The following DNAH11 variants were observed in gnomAD, a reference collection of about 807,000 sequenced individuals.
The protein encoded by DNAH11 is dynein axonemal heavy chain 11.
DNAH11 carries 442 observed loss-of-function variants against 526.0 expected under a neutral mutation model. That is an observed-to-expected ratio of 0.84 (90% CI 0.78 to 0.91). The LOEUF is 0.91. Ranked by LOEUF, DNAH11 falls within the 40% of genes least tolerant of loss-of-function variation. The probability of loss-of-function intolerance (pLI) is 0.00; values close to 1 mark genes in which losing one functional copy is unlikely to be tolerated. For missense variants in DNAH11, 6,989 were observed against 5,448.7 expected (o/e 1.28, Z -8.90); for synonymous variants, 2,461 against 1,935.9 (o/e 1.27, Z -7.12).
At chr7:21,626,986 G>A (rs530314966) in intron 25 of DNAH11, among the ~76,000 whole-genome samples, 8 of 151,936 alleles carry the variant, frequency 5.3e-5, no homozygotes, top group Non-Finnish European at 8.8e-5. Context: ...TCCTGACCTC[G>A]TGATCTGTGT....
At chr7:21,876,877 A>G (rs1467717952) in intron 74 of DNAH11, among the ~76,000 whole-genome samples, 1 of 152,252 alleles carries the variant, frequency 6.6e-6, no homozygotes, top group African/African-American at 2.4e-5. Context: ...ACCTAGCTGC[A>G]AGAGAGGCTG....
chr7:21,774,770 G>A (rs916688830), intron 56 of DNAH11, among the ~76,000 whole-genome samples: 1 of 152,172 alleles, frequency 6.6e-6, no homozygotes, highest in Non-Finnish European at 1.5e-5. Context: ...GGAAAGAAGA[G>A]ATTGGAATGA....
chr7:21,767,564 G>C (rs1047327486), intron 55 of DNAH11, among the ~76,000 whole-genome samples: 2 of 152,168 alleles, frequency 1.3e-5, no homozygotes, highest in Non-Finnish European at 2.9e-5. Flanking sequence ...AGGATGCTGA[G>C]TGCCAAATAG....
At chr7:21,795,829 A>G (rs1241645091) in intron 61 of DNAH11, among the ~76,000 whole-genome samples, 1 of 152,230 alleles carries the variant, frequency 6.6e-6, no homozygotes, top group African/African-American at 2.4e-5. Context: ...GGAGTTGGTC[A>G]GTTCTGCACG....
At chr7:21,782,568 C>G (rs1029794361) in intron 57 of DNAH11, among the ~76,000 whole-genome samples, 7 of 152,130 alleles carry the variant, frequency 4.6e-5, no homozygotes, top group Non-Finnish European at 8.8e-5. Flanking sequence ...GAAAAATACT[C>G]CATTAATAGT....
At chr7:21,724,043 T>C (rs908664352) in intron 44 of DNAH11, among the ~76,000 whole-genome samples, 2 of 152,240 alleles carry the variant, frequency 1.3e-5, no homozygotes, top group African/African-American at 4.8e-5. Context: ...GGTTTTCTTT[T>C]CTACTTTAGA....
At chr7:21,623,587 T>A (rs1277754427) in intron 25 of DNAH11, among the ~76,000 whole-genome samples, 2 of 152,030 alleles carry the variant, frequency 1.3e-5, no homozygotes, top group Admixed American at 1.3e-4. Context: ...AATGATAGAC[T>A]GGATTAAGCA....
intron 57 of DNAH11, among the ~76,000 whole-genome samples, chr7:21,780,135 T>C (rs1787875588): frequency 1.5e-5 from 1 of 66,544 alleles, no homozygotes; most frequent in Admixed American, 1.8e-4. Context: ...AATAAGATTA[T>C]GGCATTAAAA....
chr7:21,787,383 A>G lies in DNAH11; in HGVS notation c.9742-18A>G. 1 of 1,592,384 alleles carries G rather than the reference A, an allele frequency of 6.3e-7. No individual in the cohort carries two copies. The highest frequency in any genetic ancestry group is 8.6e-7 in the Non-Finnish European group (1 of 1,168,474). ...CAGCCAAAATGGGTTCATTGCAATA[A>G]ATCTTTTTGCTTTGCAGGTTGATGA... On this transcript the variant is annotated intron_variant, in intron 59 of 81. Coordinates refer to ENST00000409508, the MANE Select transcript of DNAH11 (RefSeq NM_001277115.2).
intron 42 of DNAH11, among the ~76,000 whole-genome samples, chr7:21,717,325 T>G (rs192536972): frequency 1.3e-5 from 2 of 152,188 alleles, no homozygotes; most frequent in Admixed American, 1.3e-4. Flanking sequence ...AGGAGACACT[T>G]TGAAATAGCC....
rs1783202722 is a variant in DNAH11, at chr7:21,864,664, T to G, written c.11496+7T>G. On this transcript the variant is annotated splice_region_variant and intron_variant, in intron 70 of 81. Coordinates refer to ENST00000409508, the MANE Select transcript of DNAH11 (RefSeq NM_001277115.2). ...GTCATGGAGTGCTATCAAGGTATGT[T>G]AGGAATACAGTTTCTCAAATTCTGG... 6.3e-7 allele frequency: 1 copy of G among 1,576,284 alleles called. No homozygotes were observed. Among genetic ancestry groups the G allele is most frequent in the African/African-American group, 1.4e-5 (1 of 73,524 alleles).
intron 2 of DNAH11, among the ~76,000 whole-genome samples, chr7:21,549,536 C>T (rs1020335993): frequency 6.6e-6 from 1 of 151,970 alleles, no homozygotes. Flanking sequence ...ACAAATTGCC[C>T]TAGGGGGGTT....
chr7:21,652,308 C>T (rs1206862511), intron 28 of DNAH11, among the ~76,000 whole-genome samples: 1 of 152,180 alleles, frequency 6.6e-6, no homozygotes, highest in African/African-American at 2.4e-5. Flanking sequence ...AAACTGACTT[C>T]ACATTGAAGA....
chr7:21,817,093 G>A (rs1198300716), intron 64 of DNAH11, among the ~76,000 whole-genome samples: 8 of 152,206 alleles, frequency 5.3e-5, no homozygotes, highest in East Asian at 1.9e-4. Flanking sequence ...TCTATACTCC[G>A]CCTATAGAAG....
chr7:21,581,898 T>G lies in DNAH11; in HGVS notation c.1594-7T>G. 6.4e-7 allele frequency: 1 copy of G among 1,561,990 alleles called. No individual in the cohort carries two copies. The highest frequency in any genetic ancestry group is 1.4e-5 in the African/African-American group (1 of 73,562). On this transcript the variant is annotated splice_region_variant and splice_polypyrimidine_tract_variant and intron_variant, in intron 8 of 81. Coordinates refer to ENST00000409508, the MANE Select transcript of DNAH11 (RefSeq NM_001277115.2). ...AATATACTAATATTTCACTTTGAAT[T>G]TTACAGGAGTTTGAAAGTGATTATG...
At chr7:21,856,305 C>G (rs1027698946) in intron 68 of DNAH11, among the ~76,000 whole-genome samples, 1 of 152,134 alleles carries the variant, frequency 6.6e-6, no homozygotes, top group Non-Finnish European at 1.5e-5. Context: ...AAGCTGGAAT[C>G]ATTGGCTCCT....
intron 52 of DNAH11, 115 bp from the exon 53 acceptor site, chr7:21,749,563 G>T (rs1332897500): frequency 7.3e-7 from 1 of 1,364,776 alleles, no homozygotes; most frequent in African/African-American, 1.4e-5. Flanking sequence ...CCAGGGAAAG[G>T]CACCCCACAG....
intron 43 of DNAH11, among the ~76,000 whole-genome samples, chr7:21,719,557 A>G (rs1352862159): frequency 6.6e-6 from 1 of 152,224 alleles, no homozygotes; most frequent in African/African-American, 2.4e-5. Flanking sequence ...TCTACTAAAA[A>G]ATAACAAAGC....
chr7:21,686,538 A>G (rs188237474), intron 32 of DNAH11, among the ~76,000 whole-genome samples: 1 of 152,354 alleles, frequency 6.6e-6, no homozygotes, highest in East Asian at 1.9e-4. Context: ...GGATGTAGCA[A>G]CACATTCCAA....
Sources: allele counts gnomAD v4.1 joint callset (sites outside exome capture counted in the v4.1 genomes callset), GRCh38; gene constraint gnomAD v4.1.1; transcripts MANE v1.5; gene names NCBI Gene and HGNC (gene_info 2026-07-23, HGNC 2026-07-21).